TDRD5: variants seen among roughly 807,000 people sequenced by gnomAD.
TDRD5 encodes the protein tudor domain containing 5.
In TDRD5, 41 loss-of-function variants were observed where a neutral mutation model predicts 120.6. The ratio of observed to expected loss-of-function variants is 0.34; its 90% CI spans 0.26 to 0.44. TDRD5 has a LOEUF of 0.44. TDRD5 is among the 20% of genes least tolerant of loss of function. The pLI is 1.00. For missense variants in TDRD5, 1,006 were observed against 1,221.2 expected (o/e 0.82, Z 2.63); for synonymous variants, 430 against 433.7 (o/e 0.99, Z 0.11).
chr1:179,644,156 A>G (rs1678212315), intron 11 of TDRD5, among the ~76,000 whole-genome samples: 1 of 152,212 alleles, frequency 6.6e-6, no homozygotes, highest in African/African-American at 2.4e-5. Context: ...TACTGAAGGA[A>G]GTTCTTCCAG....
At chr1:179,654,129 A>G (rs1678865380) in intron 13 of TDRD5, 72 bp from the exon 14 acceptor site, 1 of 1,291,618 alleles carries the variant, frequency 7.7e-7, no homozygotes, top group Non-Finnish European at 1.0e-6. Flanking sequence ...TCCCCCCAAA[A>G]TGTATAGGCA....
At chr1:179,661,334 T>C (rs1000486927) in intron 14 of TDRD5, among the ~76,000 whole-genome samples, 2 of 152,096 alleles carry the variant, frequency 1.3e-5, no homozygotes, top group Non-Finnish European at 2.9e-5. Flanking sequence ...CTTTTGGTAT[T>C]GTTCCACAGT....
intron 6 of TDRD5, among the ~76,000 whole-genome samples, chr1:179,621,526 G>A (rs564827163): frequency 3.3e-5 from 5 of 152,166 alleles, no homozygotes; most frequent in East Asian, 3.9e-4. Context: ...GCACATGTAC[G>A]CATGAAGACC....
intron 11 of TDRD5, among the ~76,000 whole-genome samples, chr1:179,650,614 A>G (rs138620463): frequency 1.3e-5 from 2 of 152,226 alleles, no homozygotes; most frequent in East Asian, 3.9e-4. Flanking sequence ...TCTAACTCAC[A>G]ATTTCTGAAA....
intron 17 of TDRD5, among the ~76,000 whole-genome samples, chr1:179,689,512 C>G (rs565374763): frequency 1.3e-5 from 2 of 152,332 alleles, no homozygotes; most frequent in Admixed American, 1.3e-4. Flanking sequence ...GGACCCACTT[C>G]AGGAGGCAGT....
intron 4 of TDRD5, among the ~76,000 whole-genome samples, chr1:179,605,455 C>T (rs888349916): frequency 6.6e-6 from 1 of 152,046 alleles, no homozygotes; most frequent in Admixed American, 6.6e-5. Flanking sequence ...GTCTCTCAGC[C>T]GTGAATACCA....
chr1:179,595,358 A>G (rs960349358), intron 3 of TDRD5, among the ~76,000 whole-genome samples: 4 of 152,060 alleles, frequency 2.6e-5, no homozygotes, highest in African/African-American at 9.7e-5. Flanking sequence ...CCACCTCTCT[A>G]TAATTAGATT....
chr1:179,663,891 G>A (rs747640064), intron 16 of TDRD5, among the ~76,000 whole-genome samples: 11 of 152,036 alleles, frequency 7.2e-5, no homozygotes, highest in African/African-American at 9.7e-5. Context: ...TATATTTGTC[G>A]CATAGTCTAG....
rs191110404 is a variant in TDRD5 at position 179,645,012 on chromosome 1, T to C, written c.1800+4567T>C. Among the ~76,000 whole-genome samples the C allele has an allele frequency of 2.1e-3, 317 of 151,780 alleles. 2 individuals are homozygous for C. The highest frequency in any genetic ancestry group is 7.2e-3 in the African/African-American group (298 of 41,496). On this transcript the variant is annotated intron_variant, in intron 11 of 17. Coordinates refer to ENST00000444136, the MANE Select transcript of TDRD5 (RefSeq NM_001199085.3). ...TTCAGTTAAAAAATATTTTGTAATT[T>C]ATATTTTGCTTTCTTGTTTGATTCA...
intron 4 of TDRD5, among the ~76,000 whole-genome samples, chr1:179,607,695 C>T (rs11810660): frequency 0.047 from 7,107 of 151,922 alleles, 263 homozygotes; most frequent in Non-Finnish European, 0.069. Context: ...CTCTTCCATC[C>T]TTTGTGCTCT....
chr1:179,665,091 G>A (rs1352149451), intron 16 of TDRD5, among the ~76,000 whole-genome samples: 1 of 152,076 alleles, frequency 6.6e-6, no homozygotes, highest in Non-Finnish European at 1.5e-5. Flanking sequence ...AAGATATTCA[G>A]ATCCTTTGCC....
chr1:179,633,464 G>A lies in TDRD5; in HGVS notation c.1127-993G>A, dbSNP rs1677573386. Among the ~76,000 whole-genome samples the A allele has an allele frequency of 2.6e-5, 4 of 151,754 alleles. No individual in the cohort carries two copies. In the South Asian group the frequency reaches 8.3e-4, roughly 32 times the overall value. On this transcript the variant is annotated intron_variant, in intron 7 of 17. Coordinates refer to ENST00000444136, the MANE Select transcript of TDRD5 (RefSeq NM_001199085.3). Reference sequence around the variant, plus strand: ...CCTCCCAGGTTCAAGTGATTCTCCTGCCTCGGCCTCCCAAGTAGCTGGGAC... The same window carrying A: ...CCTCCCAGGTTCAAGTGATTCTCCTACCTCGGCCTCCCAAGTAGCTGGGAC...
chr1:179,594,324 G>C (rs1157843902), intron 3 of TDRD5, among the ~76,000 whole-genome samples: 1 of 152,172 alleles, frequency 6.6e-6, no homozygotes, highest in Non-Finnish European at 1.5e-5. Flanking sequence ...GGTAACTTTT[G>C]TGGTGTAATA....
At chr1:179,631,851 ATT>A (rs745777571) in intron 7 of TDRD5, among the ~76,000 whole-genome samples, 1 of 74,342 alleles carries the variant, frequency 1.3e-5, no homozygotes. Flanking sequence ...AGGGCACTTG[ATT>A]TTTTTTTTTT....
chr1:179,605,237 C>A (rs1489430789), intron 4 of TDRD5, among the ~76,000 whole-genome samples: 1 of 152,158 alleles, frequency 6.6e-6, no homozygotes, highest in Non-Finnish European at 1.5e-5. Context: ...GCCTTTTCCA[C>A]CCCTTTACTT....
intron 4 of TDRD5, among the ~76,000 whole-genome samples, chr1:179,600,788 T>C (rs1181212847): frequency 6.6e-6 from 1 of 152,208 alleles, no homozygotes; most frequent in Non-Finnish European, 1.5e-5. Flanking sequence ...TATAGCTACA[T>C]CTCCCAAACT....
rs749147392 is a variant in TDRD5, at chr1:179,635,896, C to G, written c.1520+9C>G. 6.2e-7 allele frequency: 1 copy of G among 1,608,230 alleles called. No individual in the cohort carries two copies. The highest frequency in any genetic ancestry group is 1.1e-5 in the South Asian group (1 of 90,456). ...ATGATGATTGAAATGCGGTAGGAGTCTGTTGTTTTCAATGTGTTTTTCACA... is the reference window on the plus strand; with the variant it reads ...ATGATGATTGAAATGCGGTAGGAGTGTGTTGTTTTCAATGTGTTTTTCACA... On this transcript the variant is annotated intron_variant, in intron 9 of 17. Coordinates refer to ENST00000444136, the MANE Select transcript of TDRD5 (RefSeq NM_001199085.3).
At chr1:179,601,383 T>G (rs1011757292) in intron 4 of TDRD5, among the ~76,000 whole-genome samples, 7 of 152,316 alleles carry the variant, frequency 4.6e-5, no homozygotes, top group African/African-American at 1.4e-4. Context: ...CAGTATACAC[T>G]GCACCCTATT....
At chr1:179,631,720 A>G (rs1677456909) in intron 7 of TDRD5, among the ~76,000 whole-genome samples, 1 of 152,156 alleles carries the variant, frequency 6.6e-6, no homozygotes, top group South Asian at 2.1e-4. Flanking sequence ...AAAACTAAGA[A>G]ATTAACATTA....
Sources: allele counts gnomAD v4.1 joint callset (sites outside exome capture counted in the v4.1 genomes callset), GRCh38; gene constraint gnomAD v4.1.1; transcripts MANE v1.5; gene names NCBI Gene and HGNC (gene_info 2026-07-23, HGNC 2026-07-21).